Variants in ZNF804B observed in about 807,000 individuals in gnomAD.
ZNF804B encodes the protein zinc finger 804B.
Under a neutral mutation model 101.4 loss-of-function variants are expected in ZNF804B, and 80 were observed. The observed-to-expected ratio is 0.79, with a 90% CI of 0.66 to 0.95. The LOEUF is 0.95. Ranked by LOEUF, ZNF804B falls within the 40% of genes least tolerant of loss-of-function variation. The pLI, the probability that ZNF804B is intolerant of heterozygous loss-of-function variation, is 0.00. For synonymous variants in ZNF804B, 622 were observed against 558.8 expected, an observed-to-expected ratio of 1.11 and a Z score of -1.59; for missense variants, 1,673 against 1,561.9, an observed-to-expected ratio of 1.07 and a Z score of -1.20.
chr7:89,278,942 A>C (rs1790033866), intron 2 of ZNF804B, among the ~76,000 whole-genome samples: 1 of 152,138 alleles, frequency 6.6e-6, no homozygotes, highest in Non-Finnish European at 1.5e-5. Flanking sequence ...TACCTTGGGC[A>C]GTATGGCCAT....
At position 89,167,080 on chromosome 7, in the gene ZNF804B, C is replaced by G. The variant is rs191138297; in HGVS notation, c.109-51075C>G. Among the ~76,000 whole-genome samples, 834 of 151,780 alleles carry G rather than the reference C, an allele frequency of 5.5e-3. 11 individuals are homozygous for G. The highest frequency in any genetic ancestry group is 7.0e-3 in the Non-Finnish European group (473 of 67,944). On this transcript the variant is annotated intron_variant, in intron 1 of 3. Transcript: ENST00000333190. Reference sequence around the variant, plus strand: ...ATTTTTTAATGCATTTATGACATACCTTTTTCCTTTTTATATATATTCTTA... The same window carrying G: ...ATTTTTTAATGCATTTATGACATACGTTTTTCCTTTTTATATATATTCTTA...
At chr7:89,125,597 C>A (rs756653582) in intron 1 of ZNF804B, among the ~76,000 whole-genome samples, 39 of 151,882 alleles carry the variant, frequency 2.6e-4, no homozygotes, top group South Asian at 4.1e-4. Context: ...CTTAGCTTAA[C>A]AAATAAAATT....
intron 2 of ZNF804B, among the ~76,000 whole-genome samples, chr7:89,279,959 T>C (rs1397351622): frequency 6.6e-6 from 1 of 152,008 alleles, no homozygotes; most frequent in Non-Finnish European, 1.5e-5. Flanking sequence ...ATATACATTT[T>C]TTTCAACACC....
At chr7:89,265,305 C>CGT (rs1354491751) in intron 2 of ZNF804B, among the ~76,000 whole-genome samples, 2 of 150,058 alleles carry the variant, frequency 1.3e-5, no homozygotes, top group African/African-American at 5.0e-5. Flanking sequence ...CGCGTGCGCG[C>CGT]GCGCACACAT....
At chr7:89,190,180 C>G (rs531456524) in intron 1 of ZNF804B, among the ~76,000 whole-genome samples, 4 of 151,510 alleles carry the variant, frequency 2.6e-5, no homozygotes, top group African/African-American at 7.3e-5. Context: ...ACTAAAAATA[C>G]AAAAATTAGC....
chr7:88,801,546 A>G (rs1224047021), intron 1 of ZNF804B, among the ~76,000 whole-genome samples: 1 of 152,166 alleles, frequency 6.6e-6, no homozygotes, highest in Non-Finnish European at 1.5e-5. Flanking sequence ...CTGCCAGCTT[A>G]ACAGTAAATT....
At chr7:88,911,639 T>C (rs1792552078) in intron 1 of ZNF804B, among the ~76,000 whole-genome samples, 1 of 151,556 alleles carries the variant, frequency 6.6e-6, no homozygotes, top group Admixed American at 6.6e-5. Context: ...CTTTTAGTTT[T>C]GTTGTTATTT....
At chr7:89,251,201 T>G (rs1440982316) in intron 2 of ZNF804B, among the ~76,000 whole-genome samples, 2 of 152,116 alleles carry the variant, frequency 1.3e-5, no homozygotes, top group Non-Finnish European at 2.9e-5. Flanking sequence ...CTCTAAAGAC[T>G]CTACAAAAAG....
At chr7:88,968,030 T>C (rs1793482554) in intron 1 of ZNF804B, among the ~76,000 whole-genome samples, 1 of 151,362 alleles carries the variant, frequency 6.6e-6, no homozygotes, top group Non-Finnish European at 1.5e-5. Context: ...AAGGAAACAT[T>C]TAAAAAATAA....
rs536856895 is a variant in ZNF804B at position 89,011,287 on chromosome 7, T to C, written c.109-206868T>C. 1.3e-3 allele frequency among the ~76,000 whole-genome samples: 193 copies of C among 152,230 alleles called. 2 individuals carry two copies. Among genetic ancestry groups the C allele is most frequent in the Non-Finnish European group, 2.5e-3 (170 of 67,990 alleles). The stretch of plus-strand genomic sequence containing the variant: ...TCCTGCCCTTGACACATGGGAATCA[T>C]TACAATTCAAGATGAGGTTTGGGTG... On this transcript the variant is annotated intron_variant, in intron 1 of 3. Transcript: ENST00000333190.
chr7:89,046,662 C>T (rs1401455923), intron 1 of ZNF804B, among the ~76,000 whole-genome samples: 1 of 152,148 alleles, frequency 6.6e-6, no homozygotes, highest in Admixed American at 6.5e-5. Flanking sequence ...AGATATGTTT[C>T]TGATCTTGAA....
chr7:88,828,063 G>A (rs1259780141), intron 1 of ZNF804B, among the ~76,000 whole-genome samples: 1 of 151,702 alleles, frequency 6.6e-6, no homozygotes, highest in African/African-American at 2.4e-5. Context: ...TCCCTTCATA[G>A]CCTCTCATAG....
At chr7:88,979,419 T>C (rs1398804536) in intron 1 of ZNF804B, among the ~76,000 whole-genome samples, 1 of 151,922 alleles carries the variant, frequency 6.6e-6, no homozygotes, top group Non-Finnish European at 1.5e-5. Context: ...TTTATTTCTC[T>C]TTCATGTTTG....
intron 1 of ZNF804B, among the ~76,000 whole-genome samples, chr7:89,013,139 A>G (rs954904315): frequency 3.9e-5 from 6 of 152,150 alleles, no homozygotes; most frequent in Admixed American, 3.9e-4. Flanking sequence ...ACACATGGAA[A>G]TTATTACAAT....
At chr7:88,943,169 T>C (rs764717675) in intron 1 of ZNF804B, among the ~76,000 whole-genome samples, 33 of 151,904 alleles carry the variant, frequency 2.2e-4, no homozygotes, top group Non-Finnish European at 4.4e-4. Flanking sequence ...AAAATAAAAA[T>C]CAGGACTTAG....
At chr7:89,176,594 T>TCTTTC (rs534590444) in intron 1 of ZNF804B, among the ~76,000 whole-genome samples, 39 of 145,268 alleles carry the variant, frequency 2.7e-4, no homozygotes, top group African/African-American at 8.3e-4. Context: ...TTTCTTTCTT[T>TCTTTC]TTTTTTTTTT....
chr7:89,300,180 T>C (rs991614306), intron 2 of ZNF804B, among the ~76,000 whole-genome samples: 1 of 151,668 alleles, frequency 6.6e-6, no homozygotes, highest in African/African-American at 2.4e-5. Context: ...TTCCTTCTCA[T>C]ACCACTGTAT....
intron 2 of ZNF804B, among the ~76,000 whole-genome samples, chr7:89,287,039 G>A (rs1157906733): frequency 2.6e-5 from 4 of 151,776 alleles, no homozygotes; most frequent in African/African-American, 9.7e-5. Flanking sequence ...AGATTTTTAT[G>A]GTGATCCACT....
chr7:89,233,954 C>T (rs1045418168), intron 2 of ZNF804B, among the ~76,000 whole-genome samples: 1 of 152,190 alleles, frequency 6.6e-6, no homozygotes, highest in Non-Finnish European at 1.5e-5. Flanking sequence ...TTTGTGTCTA[C>T]TCCAGTGCAT....
Sources: gnomAD v4.1 joint callset for allele counts (sites outside exome capture counted in the v4.1 genomes callset) on GRCh38, gnomAD v4.1.1 for gene constraint, MANE v1.5 for transcripts, NCBI Gene and HGNC (gene_info 2026-07-23, HGNC 2026-07-21) for gene names.